MAGI1: variants seen among roughly 807,000 people sequenced by gnomAD.
MAGI1 encodes membrane-associated guanylate kinase, WW and PDZ domain-containing protein 1.
In MAGI1, 58 loss-of-function variants were observed where a neutral mutation model predicts 139.9. The observed-to-expected ratio is 0.41, with a 90% CI of 0.34 to 0.52. The LOEUF (loss-of-function observed/expected upper bound fraction) is 0.52. Among genes scored for constraint, MAGI1 ranks in the 20% least tolerant of loss-of-function variants. The pLI, the probability that MAGI1 is intolerant of heterozygous loss-of-function variation, is 0.12. For missense variants in MAGI1, 1,874 were observed against 1,901.6 expected, an observed-to-expected ratio of 0.99 and a Z score of 0.27; for synonymous variants, 812 against 737.9, an observed-to-expected ratio of 1.10 and a Z score of -1.63.
At chr3:65,527,040 G>T (rs902066094) in intron 2 of MAGI1, among the ~76,000 whole-genome samples, 1 of 152,228 alleles carries the variant, frequency 6.6e-6, no homozygotes, top group Middle Eastern at 3.2e-3. Context: ...ATTTTAGGAA[G>T]GCTAAGATTC....
At chr3:65,562,714 A>G (rs1250633132) in intron 2 of MAGI1, among the ~76,000 whole-genome samples, 1 of 152,244 alleles carries the variant, frequency 6.6e-6, no homozygotes, top group Admixed American at 6.5e-5. Context: ...ATTAACAGGT[A>G]AGAAAGAACT....
intron 1 of MAGI1, among the ~76,000 whole-genome samples, chr3:65,817,627 T>C (rs1466936563): frequency 6.6e-6 from 1 of 152,124 alleles, no homozygotes; most frequent in Admixed American, 6.5e-5. Context: ...CTGAGTAGTG[T>C]TAGAAAAGAA....
intron 5 of MAGI1, among the ~76,000 whole-genome samples, chr3:65,453,978 T>A (rs1270380155): frequency 6.6e-6 from 1 of 152,194 alleles, no homozygotes; most frequent in Non-Finnish European, 1.5e-5. Context: ...TTTTAAGGGA[T>A]AAAGTTCAAT....
At chr3:65,619,267 GT>G (rs1369256214) in intron 2 of MAGI1, among the ~76,000 whole-genome samples, 2 of 152,150 alleles carry the variant, frequency 1.3e-5, no homozygotes, top group Admixed American at 6.6e-5. Context: ...TAAAACAGGG[GT>G]GCTATTACCT....
intron 5 of MAGI1, among the ~76,000 whole-genome samples, chr3:65,468,195 T>C (rs1950292246): frequency 6.6e-6 from 1 of 152,100 alleles, no homozygotes; most frequent in African/African-American, 2.4e-5. Flanking sequence ...CTAATACACT[T>C]CTTGACTCTC....
intron 1 of MAGI1, among the ~76,000 whole-genome samples, chr3:65,837,658 G>A (rs181119286): frequency 3.1e-4 from 47 of 152,246 alleles, no homozygotes; most frequent in Non-Finnish European, 6.5e-4. Flanking sequence ...AATGCAAAGC[G>A]CGAAGTAACT....
At chr3:65,856,256 A>G (rs2059375436) in intron 1 of MAGI1, among the ~76,000 whole-genome samples, 1 of 152,092 alleles carries the variant, frequency 6.6e-6, no homozygotes, top group Non-Finnish European at 1.5e-5. Context: ...GAAAAAGCAA[A>G]AGGGAATAGA....
chr3:65,715,246 C>A (rs1440168819), intron 1 of MAGI1, among the ~76,000 whole-genome samples: 1 of 152,098 alleles, frequency 6.6e-6, no homozygotes, highest in Non-Finnish European at 1.5e-5. Context: ...TTTTCTGCAT[C>A]CCAAATTAAA....
intron 3 of MAGI1, among the ~76,000 whole-genome samples, chr3:65,486,219 T>A (rs1350424445): frequency 1.3e-5 from 2 of 152,214 alleles, no homozygotes; most frequent in African/African-American, 4.8e-5. Flanking sequence ...TGACATCCTC[T>A]TCCTAATTAA....
At chr3:65,747,749 T>C (rs542309960) in intron 1 of MAGI1, among the ~76,000 whole-genome samples, 24 of 152,242 alleles carry the variant, frequency 1.6e-4, no homozygotes, top group Non-Finnish European at 3.2e-4. Context: ...AAGGCGTCCA[T>C]GGAGACTCTA....
In MAGI1 at chr3:65,355,916, GCTTTT is replaced by G. The variant is rs1237002113; in HGVS notation, c.*457_*461del. 1 of 152,942 alleles carries G rather than the reference GCTTTT, an allele frequency of 6.5e-6. No homozygotes were observed. The highest frequency in any genetic ancestry group is 1.9e-4 in the East Asian group (1 of 5,194). 9.5% of individuals were successfully genotyped at this position (152,942 alleles called of 1,614,324 possible). On this transcript the variant is annotated 3_prime_UTR_variant, in exon 23 of 23. Coordinates refer to ENST00000402939, the MANE Select transcript of MAGI1 (RefSeq NM_001033057.2). ...ATAAAACTTTGCATTTTTGCTCTTT[GCTTTT>G]AAGAAAAACTTCCGACTACAGTATA... is the stretch of plus-strand genomic sequence containing the variant.
At chr3:65,366,273 T>C (rs1199096516) in intron 18 of MAGI1, among the ~76,000 whole-genome samples, 1 of 152,200 alleles carries the variant, frequency 6.6e-6, no homozygotes, top group Admixed American at 6.5e-5. Context: ...TTAAGCTCTC[T>C]GCAAAATGAG....
chr3:65,629,275 C>T (rs2084152264), intron 1 of MAGI1, among the ~76,000 whole-genome samples: 1 of 152,112 alleles, frequency 6.6e-6, no homozygotes, highest in Non-Finnish European at 1.5e-5. Context: ...CCATCTGTGA[C>T]CGAGAGGGCA....
intron 1 of MAGI1, among the ~76,000 whole-genome samples, chr3:65,668,116 C>A (rs2086640149): frequency 6.6e-6 from 1 of 152,196 alleles, no homozygotes; most frequent in Admixed American, 6.5e-5. Flanking sequence ...CACTAACAGG[C>A]CATGTGACCT....
intron 1 of MAGI1, among the ~76,000 whole-genome samples, chr3:65,836,588 A>G (rs2042816633): frequency 1.3e-5 from 2 of 150,066 alleles, no homozygotes; most frequent in Non-Finnish European, 2.9e-5. Flanking sequence ...TGGGAGGCTG[A>G]GGCGGGTGGA....
intron 2 of MAGI1, among the ~76,000 whole-genome samples, chr3:65,549,682 G>A (rs1259141868): frequency 2.0e-5 from 3 of 152,080 alleles, no homozygotes; most frequent in African/African-American, 7.2e-5. Flanking sequence ...CCCATCCTCA[G>A]GGCCTTGGAC....
chr3:65,610,308 A>C (rs2106925732), intron 2 of MAGI1, among the ~76,000 whole-genome samples: 1 of 152,284 alleles, frequency 6.6e-6, no homozygotes, highest in Admixed American at 6.5e-5. Flanking sequence ...AACCTGTATT[A>C]GCCACAAACT....
chr3:65,413,324 T>C (rs1479727428), intron 12 of MAGI1, among the ~76,000 whole-genome samples: 2 of 152,182 alleles, frequency 1.3e-5, no homozygotes, highest in East Asian at 3.9e-4. Flanking sequence ...TCCAATATCT[T>C]AAATTTAAGA....
intron 1 of MAGI1, among the ~76,000 whole-genome samples, chr3:65,812,763 T>C (rs1455401843): frequency 7.4e-6 from 1 of 135,264 alleles, no homozygotes; most frequent in Admixed American, 8.8e-5. Context: ...CAGGCTGGAG[T>C]GCAATGGTGC....
Sources: allele counts gnomAD v4.1 joint callset (sites outside exome capture counted in the v4.1 genomes callset), GRCh38; gene constraint gnomAD v4.1.1; transcripts MANE v1.5; gene names NCBI Gene and HGNC (gene_info 2026-07-23, HGNC 2026-07-21).